The following ASCC1 variants were observed in gnomAD, a reference collection of about 807,000 sequenced individuals.
ASCC1 encodes ASC-1 complex subunit P50.
In ASCC1, 35 loss-of-function variants were observed where a neutral mutation model predicts 46.6. The observed-to-expected ratio is 0.75, with a 90% CI of 0.57 to 0.99. ASCC1 has a LOEUF of 0.99. ASCC1 is among the 50% of genes least tolerant of loss of function. The pLI is 0.00. For missense variants in ASCC1, 376 were observed against 428.7 expected (o/e 0.88, Z 1.09); for synonymous variants, 143 against 146.6 (o/e 0.98, Z 0.18).
intron 5 of ASCC1, among the ~76,000 whole-genome samples, chr10:72,170,327 T>C (rs1191989194): frequency 6.6e-6 from 1 of 152,048 alleles, no homozygotes; most frequent in African/African-American, 2.4e-5. Flanking sequence ...TGAGGGACAC[T>C]GTATACTCTA....
chr10:72,216,048 C>A (rs1246667709), intron 1 of ASCC1, 159 bp downstream of exon 1: 1 of 152,306 alleles, frequency 6.6e-6, no homozygotes, highest in African/African-American at 2.4e-5. Context: ...TGTTGGGGGG[C>A]GAACACGCCG....
rs143089721 is a variant in ASCC1 at position 72,105,211 on chromosome 10, C to T, written c.958-7761G>A. ...GGCAGAGGGCAGCCACCCCACATGA[C>T]GAGGCAAGGGTACCACTGAGCTGAT... is the stretch of plus-strand genomic sequence containing the variant. On this transcript the variant is annotated intron_variant, in intron 9 of 9. Transcript: ENST00000672957. 7.9e-4 allele frequency among the ~76,000 whole-genome samples: 121 copies of T among 152,310 alleles called. 1 individual carries two copies. The highest frequency in any genetic ancestry group is 2.6e-3 in the African/African-American group (108 of 41,550).
At chr10:72,145,111 CT>C (rs1589334053) in intron 7 of ASCC1, among the ~76,000 whole-genome samples, 2 of 152,158 alleles carry the variant, frequency 1.3e-5, no homozygotes, top group African/African-American at 4.8e-5. Context: ...TATCATTCTG[CT>C]GTCTTTGGCT....
chr10:72,212,456 G>A (rs748010178), intron 2 of ASCC1, among the ~76,000 whole-genome samples: 4 of 151,620 alleles, frequency 2.6e-5, no homozygotes, highest in African/African-American at 7.3e-5. Context: ...CAAAAACCAC[G>A]ATGTTCTACA....
At chr10:72,127,972 T>C (rs558329832) in intron 9 of ASCC1, 110 bp downstream of exon 9, 1 of 888,290 alleles carries the variant, frequency 1.1e-6, no homozygotes, top group Non-Finnish European at 1.8e-6. Flanking sequence ...AAAAAAAGTA[T>C]GAGAAAAAGT....
At chr10:72,204,595 C>T in intron 3 of ASCC1, 12 of 1,477,334 alleles carry the variant, frequency 8.1e-6, no homozygotes, top group Non-Finnish European at 1.0e-5. Context: ...TTGTCATCAA[C>T]GTTATTTTAA....
chr10:72,117,857 T>C (rs925568955), intron 9 of ASCC1, among the ~76,000 whole-genome samples: 1 of 152,188 alleles, frequency 6.6e-6, no homozygotes. Flanking sequence ...ACTTAAACAA[T>C]GTTAAAATAT....
rs2133221122 is a variant in ASCC1, at chr10:72,193,555, C to A, written c.489+3256G>T. 1.3e-5 allele frequency among the ~76,000 whole-genome samples: 2 copies of A among 151,758 alleles called. 1 individual carries two copies. Among genetic ancestry groups the A allele is most frequent in the South Asian group, 4.2e-4 (2 of 4,808 alleles). ...GGGGTTGTGGGTGAGCAAGAGGTGACTATAAAGGGAGAGCATGAGGGAGTT... is the reference window on the plus strand; with the variant it reads ...GGGGTTGTGGGTGAGCAAGAGGTGAATATAAAGGGAGAGCATGAGGGAGTT... On this transcript the variant is annotated intron_variant, in intron 5 of 9. Transcript: ENST00000672957.
intron 5 of ASCC1, among the ~76,000 whole-genome samples, chr10:72,173,782 T>C (rs933606371): frequency 6.6e-6 from 1 of 152,184 alleles, no homozygotes; most frequent in African/African-American, 2.4e-5. Context: ...CCAAGCCCAT[T>C]CACTGAGATG....
chr10:72,124,087 A>G (rs1844553184), intron 9 of ASCC1, among the ~76,000 whole-genome samples: 1 of 152,214 alleles, frequency 6.6e-6, no homozygotes, highest in Non-Finnish European at 1.5e-5. Flanking sequence ...GACAAAACCA[A>G]AACTGAATGA....
chr10:72,193,751 G>T (rs12098432), intron 5 of ASCC1, among the ~76,000 whole-genome samples: 3,646 of 151,900 alleles, frequency 0.024, 141 homozygotes, highest in African/African-American at 0.084. Flanking sequence ...CTAAATAGGG[G>T]TTTAAAAAGT....
chr10:72,124,910 C>A (rs1844672364), intron 9 of ASCC1, among the ~76,000 whole-genome samples: 1 of 152,016 alleles, frequency 6.6e-6, no homozygotes. Flanking sequence ...TTGAATAACA[C>A]AGGAGAATGA....
rs77207109 is a variant in ASCC1, at chr10:72,110,354, G to A, written c.958-12904C>T. On this transcript the variant is annotated intron_variant, in intron 9 of 9. Coordinates refer to ENST00000672957, the MANE Select transcript of ASCC1 (RefSeq NM_001198800.3). ...ACAGGGACATTTCTTCCTGGCCCCC[G>A]GCTTTTGGGAGGCTGGGCACAAAGT... Among the ~76,000 whole-genome samples, 17 of 152,342 alleles carry A rather than the reference G, an allele frequency of 1.1e-4. No homozygotes were observed. In the East Asian group the frequency reaches 2.5e-3, roughly 22 times the overall value.
intron 5 of ASCC1, among the ~76,000 whole-genome samples, chr10:72,175,457 C>G (rs1255185643): frequency 6.6e-6 from 1 of 152,166 alleles, no homozygotes. Flanking sequence ...TTCAGAAAAG[C>G]TGACTTTGAT....
In ASCC1 at chr10:72,122,546, C is replaced by T. The variant is rs573374498; in HGVS notation, c.957+5536G>A. Among the ~76,000 whole-genome samples, 176 of 152,066 alleles carry T rather than the reference C, an allele frequency of 1.2e-3. 1 individual carries two copies. Among genetic ancestry groups the T allele is most frequent in the African/African-American group, 3.9e-3 (160 of 41,486 alleles). ...CCTATAATCCCAACATTTTGTGAGGCTGAGTGCTTGAGCCCAGGAGTTAGA... is the reference window on the plus strand; with the variant it reads ...CCTATAATCCCAACATTTTGTGAGGTTGAGTGCTTGAGCCCAGGAGTTAGA... On this transcript the variant is annotated intron_variant, in intron 9 of 9. Coordinates refer to ENST00000672957, the MANE Select transcript of ASCC1 (RefSeq NM_001198800.3).
At chr10:72,129,809 G>GAA (rs76681296) in intron 8 of ASCC1, among the ~76,000 whole-genome samples, 1 of 136,994 alleles carries the variant, frequency 7.3e-6, no homozygotes, top group Non-Finnish European at 1.6e-5. Flanking sequence ...TTCATCTTAG[G>GAA]AAAAAAAAAA....
At chr10:72,152,732 TAA>T (rs200992686) in intron 7 of ASCC1, 135 bp downstream of exon 7, 11 of 1,070,474 alleles carry the variant, frequency 1.0e-5, no homozygotes, top group African/African-American at 1.6e-5. Context: ...AACTTACTAT[TAA>T]AAAAAAAGAG....
chr10:72,190,462 A>G (rs1230627584), intron 5 of ASCC1: 49 of 1,598,506 alleles, frequency 3.1e-5, no homozygotes, highest in Non-Finnish European at 3.8e-5. Flanking sequence ...TGACATCTGC[A>G]GGCCGAAAGA....
intron 7 of ASCC1, among the ~76,000 whole-genome samples, chr10:72,149,978 G>A (rs1280609251): frequency 6.6e-6 from 1 of 152,032 alleles, no homozygotes; most frequent in Admixed American, 6.6e-5. Flanking sequence ...GTGAGGTCAG[G>A]GGTTCGAGAC....
Sources: gnomAD v4.1 joint callset for allele counts (sites outside exome capture counted in the v4.1 genomes callset) on GRCh38, gnomAD v4.1.1 for gene constraint, MANE v1.5 for transcripts, NCBI Gene and HGNC (gene_info 2026-07-23, HGNC 2026-07-21) for gene names.